ADGRV1: variants seen among roughly 807,000 people sequenced by gnomAD.
ADGRV1 encodes G-protein coupled receptor 98.
Under a neutral mutation model 596.2 loss-of-function variants are expected in ADGRV1, and 359 were observed. That is an observed-to-expected ratio of 0.60 (90% CI 0.55 to 0.66). The LOEUF is 0.66. Ranked by LOEUF, ADGRV1 falls within the 30% of genes least tolerant of loss-of-function variation. The pLI, the probability that ADGRV1 is intolerant of heterozygous loss-of-function variation, is 0.00. For missense variants in ADGRV1, 7,274 were observed against 7,575.6 expected (o/e 0.96, Z 1.48); for synonymous variants, 2,681 against 2,679.2 (o/e 1.00, Z -0.02).
At chr5:91,144,306 C>T (rs933124596) in intron 87 of ADGRV1, among the ~76,000 whole-genome samples, 1 of 152,140 alleles carries the variant, frequency 6.6e-6, no homozygotes, top group Admixed American at 6.5e-5. Flanking sequence ...ACTGAGGACA[C>T]TTTCTTGTTT....
At chr5:90,931,397 C>G (rs921459647) in intron 83 of ADGRV1, among the ~76,000 whole-genome samples, 3 of 152,146 alleles carry the variant, frequency 2.0e-5, no homozygotes, top group African/African-American at 7.2e-5. Flanking sequence ...GTATCCAGCT[C>G]ACTTAATGAA....
At chr5:91,075,000 T>G (rs972368256) in intron 86 of ADGRV1, among the ~76,000 whole-genome samples, 2 of 152,216 alleles carry the variant, frequency 1.3e-5, no homozygotes, top group Non-Finnish European at 2.9e-5. Flanking sequence ...AAAGTATCTG[T>G]TCATGTATTT....
At chr5:91,040,140 C>T (rs1408363475) in intron 85 of ADGRV1, among the ~76,000 whole-genome samples, 5 of 152,036 alleles carry the variant, frequency 3.3e-5, no homozygotes, top group Non-Finnish European at 7.4e-5. Flanking sequence ...AATGCTTTTA[C>T]ATATATGGTT....
intron 1 of ADGRV1, among the ~76,000 whole-genome samples, chr5:90,609,174 G>T (rs925428400): frequency 2.0e-5 from 3 of 152,040 alleles, no homozygotes; most frequent in Non-Finnish European, 2.9e-5. Context: ...TATAAATGAA[G>T]TTGATAACTG....
Position 90,683,844 on chromosome 5 carries a change from C to T in ADGRV1, c.5923C>T (p.Pro1975Ser). Residue 1975 changes from proline (P) to serine (S), a missense_variant, in exon 28 of 90, where the codon CCA becomes TCA. Physicochemically the swap from Pro to Ser is moderately conservative, Grantham distance 74. Coordinates refer to ENST00000405460, the MANE Select transcript of ADGRV1 (RefSeq NM_032119.4). ...ATLTVLASDDPYGIFIFSEKN... is the reference protein window; with the variant it reads ...ATLTVLASDDSYGIFIFSEKN... Reference sequence around the variant, plus strand: ...GTTAACAGTTTTGGCTAGTGATGATCCATATGGGATATTCATTTTTTCTGA... The same window carrying T: ...GTTAACAGTTTTGGCTAGTGATGATTCATATGGGATATTCATTTTTTCTGA... The T allele has an allele frequency of 6.2e-7, 1 of 1,613,622 alleles. No homozygotes were observed. The highest frequency in any genetic ancestry group is 8.5e-7 in the Non-Finnish European group (1 of 1,179,786).
chr5:90,682,533 A>G (rs916908027), intron 27 of ADGRV1, among the ~76,000 whole-genome samples: 2 of 152,260 alleles, frequency 1.3e-5, no homozygotes. Context: ...TTCATTGTTC[A>G]GTGACTCACA....
chr5:90,638,289 A>G (rs1257934912), intron 11 of ADGRV1, among the ~76,000 whole-genome samples: 1 of 152,118 alleles, frequency 6.6e-6, no homozygotes, highest in African/African-American at 2.4e-5. Context: ...TAGGTTAAGC[A>G]AACAGTTCTG....
intron 85 of ADGRV1, among the ~76,000 whole-genome samples, chr5:91,057,276 A>G (rs1786970299): frequency 6.6e-6 from 1 of 152,236 alleles, no homozygotes; most frequent in African/African-American, 2.4e-5. Context: ...ATTTATTTGA[A>G]GAAAGAAAAA....
At chr5:90,766,075 A>G (rs1395044130) in intron 59 of ADGRV1, among the ~76,000 whole-genome samples, 2 of 151,728 alleles carry the variant, frequency 1.3e-5, no homozygotes, top group African/African-American at 4.8e-5. Flanking sequence ...ACACCTGGCT[A>G]ATTTTTTGTA....
At chr5:90,886,935 A>G (rs535185746) in intron 83 of ADGRV1, among the ~76,000 whole-genome samples, 1 of 152,256 alleles carries the variant, frequency 6.6e-6, no homozygotes, top group East Asian at 1.9e-4. Context: ...CTTTTGCCAA[A>G]TGTACCACGT....
rs1290170605 is a variant in ADGRV1, at chr5:90,745,071, T to A, written c.10575T>A (p.Asp3525Glu). Residue 3525 changes from aspartate to glutamate, a missense_variant, in exon 51 of 90, where the codon GAT becomes GAA. Coordinates refer to ENST00000405460, the MANE Select transcript of ADGRV1 (RefSeq NM_032119.4). ...CCCACATACTTCTTATTGGCCAAGA[T>A]ATGTCTGCTCTTTACTGCTGGAATT... ...GIAHILLIGQ[D>E]MSALYCWNSE... 6.2e-7 allele frequency: 1 copy of A among 1,613,672 alleles called. No homozygotes were observed. Among genetic ancestry groups the A allele is most frequent in the East Asian group, 2.2e-5 (1 of 44,860 alleles).
intron 48 of ADGRV1, among the ~76,000 whole-genome samples, chr5:90,728,266 G>A (rs769277100): frequency 2.0e-5 from 3 of 152,106 alleles, no homozygotes; most frequent in Non-Finnish European, 2.9e-5. Context: ...TCTATTGCTC[G>A]AGCAATTGAT....
intron 34 of ADGRV1, among the ~76,000 whole-genome samples, chr5:90,703,063 C>A (rs1159638234): frequency 6.6e-6 from 1 of 151,956 alleles, no homozygotes; most frequent in Non-Finnish European, 1.5e-5. Context: ...TAGAAGAGAT[C>A]TAAAATATCT....
At chr5:90,943,044 C>T (rs1468699831) in intron 83 of ADGRV1, among the ~76,000 whole-genome samples, 1 of 152,140 alleles carries the variant, frequency 6.6e-6, no homozygotes, top group African/African-American at 2.4e-5. Context: ...TGATGACTGA[C>T]TAAACTGGCT....
chr5:91,144,729 G>A (rs556190232), intron 87 of ADGRV1, among the ~76,000 whole-genome samples: 18 of 152,376 alleles, frequency 1.2e-4, no homozygotes, highest in Admixed American at 1.0e-3. Context: ...AGAATAGGAA[G>A]AACAGATGGA....
chr5:90,880,690 C>T lies in ADGRV1; in HGVS notation c.17856+16833C>T, dbSNP rs548584117. Among the ~76,000 whole-genome samples the T allele has an allele frequency of 2.3e-4, 35 of 152,298 alleles. No homozygotes were observed. The South Asian group carries it at 2.5e-3, about 11-fold the overall frequency. On this transcript the variant is annotated intron_variant, in intron 83 of 89. Transcript: ENST00000405460. Reference sequence around the variant, plus strand: ...TATAAGAAGATTTATCCTGGAGCCACCTCTCAGCTCAGCTTCTCTGAACAT... The same window carrying T: ...TATAAGAAGATTTATCCTGGAGCCATCTCTCAGCTCAGCTTCTCTGAACAT...
intron 43 of ADGRV1, chr5:90,718,431 G>GAAAAT (rs776533786): frequency 3.9e-5 from 6 of 151,936 alleles, no homozygotes; most frequent in South Asian, 2.1e-4. Context: ...CTATTATTGT[G>GAAAAT]AAAATAAAAT....
At chr5:90,744,108 C>G (rs1235851034) in intron 50 of ADGRV1, among the ~76,000 whole-genome samples, 1 of 152,142 alleles carries the variant, frequency 6.6e-6, no homozygotes, top group Non-Finnish European at 1.5e-5. Context: ...GCCACCTCAG[C>G]TTCCCAGGCA....
At chr5:90,790,742 T>A in intron 69 of ADGRV1, 131 bp from the exon 70 acceptor site, 1 of 605,468 alleles carries the variant, frequency 1.7e-6, no homozygotes, top group Non-Finnish European at 2.8e-6. Flanking sequence ...ACTTAGAGAG[T>A]TTGGCTTTGA....
Sources: allele counts gnomAD v4.1 joint callset (sites outside exome capture counted in the v4.1 genomes callset), GRCh38; gene constraint gnomAD v4.1.1; transcripts MANE v1.5; gene names NCBI Gene and HGNC (gene_info 2026-07-23, HGNC 2026-07-21).